The following KLK1 variants were observed in gnomAD, a reference collection of about 807,000 sequenced individuals.
KLK1 encodes the protein kallikrein-1.
In KLK1, 22 loss-of-function variants were observed where a neutral mutation model predicts 23.3. The ratio of observed to expected loss-of-function variants is 0.95; its 90% CI spans 0.68 to 1.35. The LOEUF is 1.35. KLK1 is among the 40% of genes most tolerant of loss of function. KLK1 has a pLI of 0.00. For synonymous variants in KLK1, 140 were observed against 135.8 expected, an observed-to-expected ratio of 1.03 and a Z score of -0.21; for missense variants, 301 against 338.9, an observed-to-expected ratio of 0.89 and a Z score of 0.88.
intron 2 of KLK1, 163 bp from the exon 3 acceptor site, chr19:50,820,606 C>T (rs2089821453): frequency 1.1e-5 from 6 of 553,032 alleles, no homozygotes; most frequent in Admixed American, 3.4e-5. Context: ...ATACAGACAG[C>T]GAATGGGAAG....
chr19:50,821,936 A>G lies in KLK1; in HGVS notation c.47-65T>C. The G allele has an allele frequency of 6.5e-7, 1 of 1,550,014 alleles. No homozygotes were observed. Among genetic ancestry groups the G allele is most frequent in the Non-Finnish European group, 8.7e-7 (1 of 1,146,534 alleles). On this transcript the variant is annotated intron_variant, in intron 1 of 4. Coordinates refer to ENST00000301420, the MANE Select transcript of KLK1 (RefSeq NM_002257.4). This position sits in a 1 kb window ranked among gnomAD's most constrained non-coding sequence, Gnocchi z 5.6. ...AGGAGAGGCCAGGGACAAGGCTAGG[A>G]GAGGGAGCTGGGCTGTGGGTCTGAA... is the stretch of plus-strand genomic sequence containing the variant.
At position 50,819,964 on chromosome 19, in the gene KLK1, C is replaced by T. The variant is rs140117105; in HGVS notation, c.568G>A (p.Val190Ile). 1.2e-4 allele frequency: 198 copies of T among 1,614,060 alleles called. No homozygotes were observed. The highest frequency in any genetic ancestry group is 1.6e-4 in the East Asian group (7 of 44,874). The change falls in exon 4 of 5, where the codon GTC becomes ATC. Residue 190 changes from valine to isoleucine, a missense_variant. By Grantham distance (29) the Val-to-Ile change is conservative. Coordinates refer to ENST00000301420, the MANE Select transcript of KLK1 (RefSeq NM_002257.4). ...LPNDECKKAHVQKVTDFMLCV... is the reference protein window; with the variant it reads ...LPNDECKKAHIQKVTDFMLCV... The stretch of plus-strand genomic sequence containing the variant: ...AGCATGAAGTCTGTCACCTTCTGGA[C>T]GTGGGCTTTTTTGCACTCATCATTA...
At chr19:50,822,366 A>G in intron 1 of KLK1, 1 of 987,358 alleles carries the variant, frequency 1.0e-6, no homozygotes, top group Non-Finnish European at 1.2e-6. Flanking sequence ...TCAGGAAAGG[A>G]TGCAGCTTTA....
rs151209076 is a variant in KLK1, at chr19:50,822,817, C to T, written c.46+886G>A. 2,398 of 978,876 alleles carry T rather than the reference C, an allele frequency of 2.4e-3. 42 individuals carry two copies. In the African/African-American group the frequency reaches 0.039, roughly 16 times the overall value. 60.6% of individuals were successfully genotyped at this position (978,876 alleles called of 1,614,324 possible). On this transcript the variant is annotated intron_variant, in intron 1 of 4. Transcript: ENST00000301420. ...AGAAGTGGTGAGAACAGGCGCCAAG[C>T]AGCTGTGGGAATGCAATGCAGGACC...
intron 3 of KLK1, 40 bp from the exon 4 acceptor site, chr19:50,820,075 C>A (rs1465334625): frequency 6.2e-7 from 1 of 1,612,252 alleles, no homozygotes; most frequent in Non-Finnish European, 8.5e-7. Flanking sequence ...CCCGACCTCA[C>A]CTGCTTCCCT....
chr19:50,819,362 G>C lies in KLK1; in HGVS notation c.634-13C>G. On this transcript the variant is annotated splice_polypyrimidine_tract_variant and intron_variant, in intron 4 of 4. Coordinates refer to ENST00000301420, the MANE Select transcript of KLK1 (RefSeq NM_002257.4). ...CCCCTGAATCACCCTGGGAGCACAA[G>C]GTGGGAGGGGAGAGTGAGAAAGGTC... is the stretch of plus-strand genomic sequence containing the variant. The C allele has an allele frequency of 6.3e-7, 1 of 1,598,034 alleles. No homozygotes were observed. The highest frequency in any genetic ancestry group is 8.6e-7 in the Non-Finnish European group (1 of 1,168,652).
chr19:50,823,583 G>A, intron 1 of KLK1, 120 bp downstream of exon 1: 1 of 633,326 alleles, frequency 1.6e-6, no homozygotes, highest in East Asian at 2.8e-5. Context: ...GACTAGGATA[G>A]ACTGTGGGCC....
chr19:50,822,209 G>A (rs2089832608), intron 1 of KLK1: 1 of 1,046,888 alleles, frequency 9.6e-7, no homozygotes. Flanking sequence ...ATGGGAGGTG[G>A]TGGGTTAGGG....
chr19:50,821,830 C>T lies in KLK1; in HGVS notation c.88G>A (p.Glu30Lys), dbSNP rs1322295215. The change falls in exon 2 of 5, where the codon GAG becomes AAG. Residue 30 changes from glutamate to lysine, a missense_variant. Transcript: ENST00000301420. This position sits in a 1 kb window ranked among gnomAD's most constrained non-coding sequence, Gnocchi z 5.6. Reference protein sequence around the residue: ...PIQSRIVGGWECEQHSQPWQA... With the variant: ...PIQSRIVGGWKCEQHSQPWQA... ...CAGGGCTGGGAATGCTGCTCACACT[C>T]CCAGCCTCCCACAATCCGGGACTGA... is the stretch of plus-strand genomic sequence containing the variant. 5 of 1,613,548 alleles carry T rather than the reference C, an allele frequency of 3.1e-6. No homozygotes were observed. The African/African-American group carries it at 6.7e-5, about 22-fold the overall frequency.
At chr19:50,820,692 A>C in intron 2 of KLK1, 1 of 378,694 alleles carries the variant, frequency 2.6e-6, no homozygotes, top group Non-Finnish European at 4.8e-6. Flanking sequence ...GAGGGGTGAA[A>C]AAGGCGGAGG....
chr19:50,821,209 C>T lies in KLK1; in HGVS notation c.206+503G>A, dbSNP rs185000363. ...CAGAGTGGAGGGATATCCTGTGGGG[C>T]GGGGAGCTGGACAGAGGGAGAGGCG... On this transcript the variant is annotated intron_variant, in intron 2 of 4. Transcript: ENST00000301420. This position sits in a 1 kb window ranked among gnomAD's most constrained non-coding sequence, Gnocchi z 5.6. 6.8e-4 allele frequency among the ~76,000 whole-genome samples: 104 copies of T among 152,234 alleles called. No homozygotes were observed. Among genetic ancestry groups the T allele is most frequent in the African/African-American group, 2.4e-3 (98 of 41,560 alleles).
At chr19:50,819,826 C>G in intron 4 of KLK1, 73 bp downstream of exon 4, 1 of 1,479,782 alleles carries the variant, frequency 6.8e-7, no homozygotes, top group Non-Finnish European at 9.2e-7. Flanking sequence ...GCCTGGTTAG[C>G]TCTCAGAAGC....
chr19:50,823,418 G>A (rs946758002), intron 1 of KLK1, among the ~76,000 whole-genome samples: 1 of 152,094 alleles, frequency 6.6e-6, no homozygotes, highest in Non-Finnish European at 1.5e-5. Context: ...TAAAGCGGTG[G>A]GACAGGGCGT....
intron 1 of KLK1, among the ~76,000 whole-genome samples, chr19:50,823,270 C>T (rs1371027964): frequency 6.6e-6 from 1 of 151,870 alleles, no homozygotes; most frequent in Non-Finnish European, 1.5e-5. Context: ...GATTTGTAGA[C>T]TCAGGAGCCA....
chr19:50,822,364 G>A (rs2089833553), intron 1 of KLK1: 1 of 987,574 alleles, frequency 1.0e-6, no homozygotes. Flanking sequence ...GTTCAGGAAA[G>A]GATGCAGCTT....
intron 1 of KLK1, among the ~76,000 whole-genome samples, 187 bp downstream of exon 1, chr19:50,823,516 C>A (rs575020984): frequency 6.8e-6 from 1 of 146,998 alleles, no homozygotes; most frequent in South Asian, 2.1e-4. Flanking sequence ...CATGGAGGAG[C>A]GGGGGTGGAA....
rs1275201081 is a variant in KLK1 at position 50,821,521 on chromosome 19, C to G, written c.206+191G>C. On this transcript the variant is annotated intron_variant, in intron 2 of 4. Coordinates refer to ENST00000301420, the MANE Select transcript of KLK1 (RefSeq NM_002257.4). This position sits in a 1 kb window ranked among gnomAD's most constrained non-coding sequence, Gnocchi z 5.6. Reference sequence around the variant, plus strand: ...ACAGAGACACAAGCAGAACCAGATCCCAAGAGACCCAGGCAGCCTTGGAGA... The same window carrying G: ...ACAGAGACACAAGCAGAACCAGATCGCAAGAGACCCAGGCAGCCTTGGAGA... Among the ~76,000 whole-genome samples the G allele has an allele frequency of 1.3e-5, 2 of 151,998 alleles. No individual in the cohort carries two copies. Among genetic ancestry groups the G allele is most frequent in the Non-Finnish European group, 2.9e-5 (2 of 67,982 alleles).
At chr19:50,820,506 G>GGT in intron 2 of KLK1, 63 bp from the exon 3 acceptor site, 1 of 448,546 alleles carries the variant, frequency 2.2e-6, no homozygotes, top group Non-Finnish European at 4.3e-6. Flanking sequence ...TGGGGCAGGG[G>GGT]AGCATGGGGG....
chr19:50,820,373 T>C lies in KLK1; in HGVS notation c.277A>G (p.Ser93Gly). ...DENTAQFVHV[S>G]ESFPHPGFNM... ...AAGCCAGGGTGTGGGAAGCTCTCAC[T>C]GACATGAACAAACTGGGCTGTGTTT... is the stretch of plus-strand genomic sequence containing the variant. Residue 93 changes from serine to glycine, a missense_variant, in exon 3 of 5, where the codon AGT (serine) becomes GGT (glycine). By Grantham distance (56) the Ser-to-Gly change is moderately conservative. Transcript: ENST00000301420. 4 of 1,613,764 alleles carry C rather than the reference T, an allele frequency of 2.5e-6. No individual in the cohort carries two copies. Among genetic ancestry groups the C allele is most frequent in the Non-Finnish European group, 3.4e-6 (4 of 1,179,978 alleles).
Sources: gnomAD v4.1 joint callset for allele counts (sites outside exome capture counted in the v4.1 genomes callset) on GRCh38, gnomAD v4.1.1 for gene constraint, Gnocchi (gnomAD v3.1) non-coding constraint, MANE v1.5 for transcripts, NCBI Gene and HGNC (gene_info 2026-07-23, HGNC 2026-07-21) for gene names.